RAPSN: variants seen among roughly 807,000 people sequenced by gnomAD.
RAPSN encodes 43 kDa receptor-associated protein of the synapse.
Under a neutral mutation model 45.7 loss-of-function variants are expected in RAPSN, and 33 were observed. The observed-to-expected ratio is 0.72, with a 90% CI of 0.55 to 0.97. The LOEUF is 0.97. Ranked by LOEUF, RAPSN falls within the 50% of genes least tolerant of loss-of-function variation. The probability of loss-of-function intolerance (pLI) is 0.00; values close to 1 mark genes in which losing one functional copy is unlikely to be tolerated. For missense variants in RAPSN, 519 were observed against 559.4 expected (o/e 0.93, Z 0.73); for synonymous variants, 244 against 233.6 (o/e 1.04, Z -0.40).
chr11:47,447,875 A>C lies in RAPSN; in HGVS notation c.468T>G (p.Asn156Lys). Residue 156 changes from asparagine (N) to lysine (K), a missense_variant, in exon 2 of 8, where the codon AAT becomes AAG. Transcript: ENST00000298854. Reference protein sequence around the residue: ...FEKALRYAHNNDDAMLECRVC... With the variant: ...FEKALRYAHNKDDAMLECRVC... ...CGCGGCACTCGAGCATGGCGTCATC[A>C]TTGTTGTGGGCATAGCGCAGGGCCT... The C allele has an allele frequency of 1.2e-6, 2 of 1,613,572 alleles. No homozygotes were observed. The highest frequency in any genetic ancestry group is 1.7e-6 in the Non-Finnish European group (2 of 1,179,902).
intron 5 of RAPSN, 75 bp from the exon 6 acceptor site, chr11:47,441,287 G>T: frequency 1.3e-6 from 2 of 1,579,442 alleles, no homozygotes; most frequent in Non-Finnish European, 1.7e-6. Flanking sequence ...GCACAGGGTA[G>T]GGGGGCAGGC....
chr11:47,447,825 T>C lies in RAPSN; in HGVS notation c.518A>G (p.Tyr173Cys), dbSNP rs1419744798. 6.2e-7 allele frequency: 1 copy of C among 1,612,344 alleles called. No homozygotes were observed. Among genetic ancestry groups the C allele is most frequent in the South Asian group, 1.1e-5 (1 of 90,834 alleles). ...GTGCAGGCCCACCTTGACCTGGGCA[T>C]AGAAGCTGCCCAGGCTGCAGCACAC... The part of the protein sequence containing the change: ...CRVCCSLGSF[Y>C]AQVKDYEKAL... The change falls in exon 2 of 8, where the codon TAT becomes TGT. Residue 173 changes from tyrosine to cysteine, a missense_variant. Tyr to Cys is a radical substitution (Grantham distance 194). Transcript: ENST00000298854.
At chr11:47,448,606 T>A (rs2076429488) in intron 1 of RAPSN, among the ~76,000 whole-genome samples, 167 bp downstream of exon 1, 2 of 152,094 alleles carry the variant, frequency 1.3e-5, no homozygotes, top group African/African-American at 4.8e-5. Context: ...ATGCCAAGAC[T>A]CAGTATCTAA....
In RAPSN at chr11:47,437,776, A is replaced by G. The variant is rs1266228404; in HGVS notation, c.*199T>C. The G allele has an allele frequency of 1.4e-6, 1 of 709,184 alleles. No homozygotes were observed. Among genetic ancestry groups the G allele is most frequent in the African/African-American group, 1.8e-5 (1 of 56,310 alleles). The allele number at this position is 709,184 out of a possible 1,614,324, so 43.9% of individuals were successfully genotyped here. On this transcript the variant is annotated 3_prime_UTR_variant, in exon 8 of 8. Coordinates refer to ENST00000298854, the MANE Select transcript of RAPSN (RefSeq NM_005055.5). ...GGAATCCCTGGGACCAGGTACAAACAGTTTATTTTTCTATAAAGAGCAAAG... is the reference window on the plus strand; with the variant it reads ...GGAATCCCTGGGACCAGGTACAAACGGTTTATTTTTCTATAAAGAGCAAAG...
At chr11:47,447,612 G>A (rs2076417931) in intron 2 of RAPSN, among the ~76,000 whole-genome samples, 200 bp downstream of exon 2, 1 of 152,204 alleles carries the variant, frequency 6.6e-6, no homozygotes, top group African/African-American at 2.4e-5. Flanking sequence ...CACAGATCAA[G>A]GTTTGAATCC....
chr11:47,438,753 C>T lies in RAPSN; in HGVS notation c.1145G>A (p.Cys382Tyr). 6.4e-7 allele frequency: 1 copy of T among 1,562,592 alleles called. No homozygotes were observed. Among genetic ancestry groups the T allele is most frequent in the Non-Finnish European group, 8.7e-7 (1 of 1,150,104 alleles). The stretch of plus-strand genomic sequence containing the variant: ...CCACCTGAGGTGGAAGATGTGGGAG[C>T]AAGGTAGGGCCTGCAGCCGGCTGTT... ...EKNSRLQALP[C>Y]SHIFHLRCLQ... The change falls in exon 7 of 8, where the codon TGC (cysteine) becomes TAC (tyrosine). Residue 382 changes from cysteine to tyrosine, a missense_variant. Cys to Tyr is a radical substitution (Grantham distance 194, BLOSUM62 -2). Transcript: ENST00000298854.
In RAPSN at chr11:47,438,099, G is replaced by A. The variant is rs973418711; in HGVS notation, c.1167-52C>T. On this transcript the variant is annotated intron_variant, in intron 7 of 7. Transcript: ENST00000298854. ...TCCCCTGAGGCCTGTCCTTCCCTCCGGGCCCTCTCTTCCTTCCTTGCCTGC... is the reference window on the plus strand; with the variant it reads ...TCCCCTGAGGCCTGTCCTTCCCTCCAGGCCCTCTCTTCCTTCCTTGCCTGC... 19 of 1,542,064 alleles carry A rather than the reference G, an allele frequency of 1.2e-5. No individual in the cohort carries two copies. In the Admixed American group the frequency reaches 2.0e-4, roughly 16 times the overall value.
chr11:47,444,677 T>A (rs2076390656), intron 2 of RAPSN, among the ~76,000 whole-genome samples: 1 of 150,050 alleles, frequency 6.7e-6, no homozygotes, highest in South Asian at 2.1e-4. Context: ...GCTAATATGG[T>A]GAAACCCCAT....
intron 2 of RAPSN, among the ~76,000 whole-genome samples, chr11:47,446,593 G>A (rs1376336186): frequency 6.6e-6 from 1 of 152,124 alleles, no homozygotes; most frequent in East Asian, 1.9e-4. Context: ...ACAGATACCT[G>A]AGGGGAAAGG....
intron 7 of RAPSN, 200 bp downstream of exon 7, chr11:47,438,532 A>G: frequency 1.6e-6 from 1 of 623,146 alleles, no homozygotes; most frequent in Non-Finnish European, 2.8e-6. Context: ...CATGTTGGCC[A>G]AGATGATCTT....
rs184226839 is a variant in RAPSN, at chr11:47,447,551, C to T, written c.531+261G>A. ...CACACAGCAAACATGGCAGTGCAGG[C>T]CGCTGGCCTGTCCTCACAGAGGAGC... On this transcript the variant is annotated intron_variant, in intron 2 of 7. Transcript: ENST00000298854. Among the ~76,000 whole-genome samples, 144 of 152,320 alleles carry T rather than the reference C, an allele frequency of 9.5e-4. 1 individual carries two copies. Among genetic ancestry groups the T allele is most frequent in the African/African-American group, 3.2e-3 (134 of 41,570 alleles).
At chr11:47,438,299 G>A (rs573883632) in intron 7 of RAPSN, among the ~76,000 whole-genome samples, 326 of 152,194 alleles carry the variant, frequency 2.1e-3, no homozygotes, top group African/African-American at 6.9e-3. Context: ...CCAGACCCAC[G>A]GCAGGTCTGG....
intron 6 of RAPSN, 21 bp from the exon 7 acceptor site, chr11:47,438,952 G>C (rs377349248): frequency 1.3e-6 from 2 of 1,550,510 alleles, no homozygotes; most frequent in Non-Finnish European, 1.7e-6. Context: ...CAGGAGTGGA[G>C]AGCGCCAGTG....
intron 2 of RAPSN, among the ~76,000 whole-genome samples, chr11:47,446,277 C>T (rs1019192610): frequency 4.0e-5 from 6 of 151,662 alleles, no homozygotes; most frequent in Admixed American, 1.3e-4. Context: ...TGGTCTTGAG[C>T]GATCCTCACC....
chr11:47,439,367 A>G (rs1595897035), intron 6 of RAPSN, among the ~76,000 whole-genome samples: 1 of 152,138 alleles, frequency 6.6e-6, no homozygotes, highest in East Asian at 1.9e-4. Flanking sequence ...CCTGCTACTC[A>G]GGAGACTGAG....
At chr11:47,441,355 G>A in intron 5 of RAPSN, 143 bp from the exon 6 acceptor site, 1 of 1,243,358 alleles carries the variant, frequency 8.0e-7, no homozygotes, top group Non-Finnish European at 1.1e-6. Flanking sequence ...AGAGACTAGG[G>A]CACAGTCATA....
intron 7 of RAPSN, 26 bp from the exon 8 acceptor site, chr11:47,438,073 C>T: frequency 6.5e-7 from 1 of 1,549,440 alleles, no homozygotes; most frequent in Non-Finnish European, 8.7e-7. Context: ...GCCCTGTCCA[C>T]TCCCCTGAGG....
chr11:47,439,561 T>C (rs2076346975), intron 6 of RAPSN, among the ~76,000 whole-genome samples: 1 of 152,178 alleles, frequency 6.6e-6, no homozygotes, highest in Non-Finnish European at 1.5e-5. Flanking sequence ...ATCAGCCTGA[T>C]ACCCAGGTAA....
intron 2 of RAPSN, among the ~76,000 whole-genome samples, chr11:47,444,716 G>C (rs1249404031): frequency 6.6e-6 from 1 of 151,130 alleles, no homozygotes; most frequent in African/African-American, 2.4e-5. Flanking sequence ...AAACTAGCTA[G>C]GTGTGGTGAC....
Sources: gnomAD v4.1 joint callset for allele counts (sites outside exome capture counted in the v4.1 genomes callset) on GRCh38, gnomAD v4.1.1 for gene constraint, MANE v1.5 for transcripts, NCBI Gene and HGNC (gene_info 2026-07-23, HGNC 2026-07-21) for gene names.